The following ZMYM2 variants were observed in gnomAD, a reference collection of about 807,000 sequenced individuals.
ZMYM2 encodes zinc finger MYM-type protein 2.
In ZMYM2, 56 loss-of-function variants were observed where a neutral mutation model predicts 162.8. The observed-to-expected ratio is 0.34, with a 90% CI of 0.28 to 0.43. ZMYM2 has a LOEUF of 0.43. ZMYM2 is among the 20% of genes least tolerant of loss of function. The pLI is 1.00. For missense variants in ZMYM2, 1,275 were observed against 1,621.8 expected, an observed-to-expected ratio of 0.79 and a Z score of 3.67; for synonymous variants, 510 against 541.6, an observed-to-expected ratio of 0.94 and a Z score of 0.81.
chr13:20,025,226 A>C (rs1335507528), intron 7 of ZMYM2: 2 of 199,416 alleles, frequency 1.0e-5, no homozygotes, highest in Non-Finnish European at 2.1e-5. Context: ...TATTGTATAG[A>C]TGCTCGTGGG....
upstream of ZMYM2, chr13:19,958,707 G>GCCGCCGCCT (rs1429592010): frequency 1.2e-3 from 179 of 154,330 alleles, 2 homozygotes; most frequent in Admixed American, 3.5e-3. Flanking sequence ...GCTCGGCCGC[G>GCCGCCGCCT]CCGCCGCCTC....
rs553409598 is a variant in ZMYM2, at chr13:19,981,075, T to C, written c.-10-11988T>C. Among the ~76,000 whole-genome samples the C allele has an allele frequency of 5.9e-5, 9 of 152,126 alleles. No homozygotes were observed. The South Asian group carries it at 8.3e-4, about 14-fold the overall frequency. ...TCACTTAGGGCCAGGAGTTCAAGAC[T>C]AGCCTGAGCAACATAGGGAGACCTC... On this transcript the variant is annotated intron_variant, in intron 2 of 24. Coordinates refer to ENST00000610343, the MANE Select transcript of ZMYM2 (RefSeq NM_197968.4).
the ZMYM2 span, among the ~76,000 whole-genome samples, chr13:19,948,914 C>A: frequency 3.9e-5 from 6 of 152,114 alleles, no homozygotes; most frequent in African/African-American, 1.4e-4. Flanking sequence ...ATTTTCCCCC[C>A]CTTCGTACTT....
At chr13:20,016,668 C>T (rs1014111104) in intron 6 of ZMYM2, among the ~76,000 whole-genome samples, 1 of 152,146 alleles carries the variant, frequency 6.6e-6, no homozygotes, top group African/African-American at 2.4e-5. Context: ...TGTTATTCCA[C>T]TGCCTTTTGG....
At chr13:19,964,881 ATAAC>A (rs1402512455) in intron 2 of ZMYM2, among the ~76,000 whole-genome samples, 3 of 152,232 alleles carry the variant, frequency 2.0e-5, no homozygotes, top group Non-Finnish European at 4.4e-5. Flanking sequence ...TGCTAGGAAT[ATAAC>A]TAATTGTTGC....
the ZMYM2 span, among the ~76,000 whole-genome samples, chr13:19,923,356 CAAAAAAAAAAAA>C: frequency 1.7e-5 from 1 of 57,366 alleles, no homozygotes; most frequent in Non-Finnish European, 2.9e-5. Flanking sequence ...GACTCCGTCG[CAAAAAAAAAAAA>C]AAAAAAAAAA....
intron 9 of ZMYM2, among the ~76,000 whole-genome samples, chr13:20,030,608 C>T (rs1953026705): frequency 6.6e-6 from 1 of 152,290 alleles, no homozygotes; most frequent in East Asian, 1.9e-4. Context: ...CCGTGTTAGC[C>T]AGGATGGTCT....
At chr13:19,865,135 G>T in the ZMYM2 span, 1 of 152,246 alleles carries the variant, frequency 6.6e-6, no homozygotes, top group Non-Finnish European at 1.5e-5. Context: ...TAATGCAGGG[G>T]TGGCCAATCT....
the ZMYM2 span, among the ~76,000 whole-genome samples, chr13:19,914,381 T>C: frequency 0.69 from 105,532 of 152,072 alleles, 38,120 homozygotes; most frequent in East Asian, 0.84. Context: ...GTGGTCATGG[T>C]GGCAGGGATG....
rs767559058 is a variant in ZMYM2, at chr13:19,993,547, A to T, written c.475A>T (p.Ser159Cys). The T allele has an allele frequency of 1.9e-6, 3 of 1,614,026 alleles. No homozygotes were observed. The East Asian group carries it at 6.7e-5, about 36-fold the overall frequency. Reference sequence around the variant, plus strand: ...CAATGATGTGGATTTCTCCACTTCCAGTTTTTCAAGAAGTAAGGTAAATGC... The same window carrying T: ...CAATGATGTGGATTTCTCCACTTCCTGTTTTTCAAGAAGTAAGGTAAATGC... ...RTNDVDFSTS[S>C]FSRSKVNAGM... Residue 159 changes from serine to cysteine, a missense_variant, in exon 3 of 25, where the codon AGT (serine) becomes TGT (cysteine). By Grantham distance (112) the Ser-to-Cys change is moderately radical. This residue lies in a region of ZMYM2 where 295 missense variants were observed against 286.7 expected (regional missense o/e 1.03). Coordinates refer to ENST00000610343, the MANE Select transcript of ZMYM2 (RefSeq NM_197968.4).
At chr13:20,056,074 A>C (rs1178181961) in intron 14 of ZMYM2, among the ~76,000 whole-genome samples, 2 of 152,198 alleles carry the variant, frequency 1.3e-5, no homozygotes, top group East Asian at 3.9e-4. Context: ...TTGGCATATG[A>C]ACCTTTGAAA....
intron 11 of ZMYM2, 28 bp downstream of exon 11, chr13:20,034,432 A>G: frequency 2.0e-6 from 3 of 1,470,564 alleles, no homozygotes; most frequent in South Asian, 1.5e-5. Flanking sequence ...TGTTGTTCAT[A>G]ACATTTATTG....
intron 6 of ZMYM2, among the ~76,000 whole-genome samples, chr13:20,015,432 G>A (rs189935092): frequency 6.6e-6 from 1 of 152,290 alleles, no homozygotes; most frequent in Admixed American, 6.5e-5. Flanking sequence ...TTCTACTGTT[G>A]TTGGCAAGAA....
intron 2 of ZMYM2, among the ~76,000 whole-genome samples, chr13:19,986,033 C>CA (rs1949105320): frequency 6.6e-6 from 1 of 151,588 alleles, no homozygotes; most frequent in Admixed American, 6.6e-5. Context: ...CAAAAAAATA[C>CA]AAAAAAATCA....
At chr13:20,059,393 C>T in intron 15 of ZMYM2, 54 bp from the exon 16 acceptor site, 1 of 1,583,990 alleles carries the variant, frequency 6.3e-7, no homozygotes, top group South Asian at 1.2e-5. Flanking sequence ...ACATTGAGCA[C>T]CTGTATATAA....
chr13:19,873,380 T>TTTTATTTATTTATTTATTTA, the ZMYM2 span, among the ~76,000 whole-genome samples: 2 of 136,872 alleles, frequency 1.5e-5, no homozygotes, highest in Non-Finnish European at 3.1e-5. Flanking sequence ...ACAGAGTCAA[T>TTTTATTTATTTATTTATTTA]TTTATTTATT....
the ZMYM2 span, among the ~76,000 whole-genome samples, chr13:19,898,208 A>AT: frequency 6.6e-6 from 1 of 151,806 alleles, no homozygotes; most frequent in Non-Finnish European, 1.5e-5. Flanking sequence ...AAAGTAAAAA[A>AT]ATATATATAT....
rs1302206874 is a variant in ZMYM2 at position 20,087,991 on chromosome 13, T to G, written c.*1977T>G. On this transcript the variant is annotated 3_prime_UTR_variant, in exon 25 of 25. Coordinates refer to ENST00000610343, the MANE Select transcript of ZMYM2 (RefSeq NM_197968.4). ...ATATTCCATCAAGAGCAATAAAGTT[T>G]TTCCCAGGTGTCACTTATTGTATAT... 5.1e-6 allele frequency: 1 copy of G among 195,886 alleles called. No individual in the cohort carries two copies. Among genetic ancestry groups the G allele is most frequent in the African/African-American group, 2.3e-5 (1 of 43,312 alleles). 12.1% of individuals were successfully genotyped at this position (195,886 alleles called of 1,614,324 possible). A position where few individuals can be genotyped will look rare whatever the true frequency, so the allele number is the denominator to read the frequency against.
intron 2 of ZMYM2, among the ~76,000 whole-genome samples, chr13:19,987,618 G>A (rs1189575328): frequency 1.4e-5 from 1 of 73,794 alleles, no homozygotes; most frequent in Non-Finnish European, 2.6e-5. Context: ...ATGGGGTTTT[G>A]TCGTGTGTGT....
Sources: allele counts gnomAD v4.1 joint callset (sites outside exome capture counted in the v4.1 genomes callset), GRCh38; gene constraint gnomAD v4.1.1; regional missense constraint gnomAD v4.1.1; transcripts MANE v1.5; gene names NCBI Gene and HGNC (gene_info 2026-07-23, HGNC 2026-07-21).